The following PAX3 variants were observed in gnomAD, a reference collection of about 807,000 sequenced individuals.
The protein encoded by PAX3 is paired box 3.
In PAX3, 14 loss-of-function variants were observed where a neutral mutation model predicts 51.6. The ratio of observed to expected loss-of-function variants is 0.27; its 90% CI spans 0.18 to 0.42. The LOEUF is 0.42. Ranked by LOEUF, PAX3 falls within the 10% of genes least tolerant of loss-of-function variation. PAX3 has a pLI of 1.00. For synonymous variants in PAX3, 280 were observed against 253.4 expected (o/e 1.11, Z -1.00); for missense variants, 540 against 642.8 (o/e 0.84, Z 1.73).
At position 222,201,551 on chromosome 2, in the gene PAX3, G is replaced by C. The variant is rs567840109; in HGVS notation, c.1421-109C>G. On this transcript the variant is annotated intron_variant, in intron 8 of 8. Coordinates refer to ENST00000392070, the MANE Select transcript of PAX3 (RefSeq NM_181458.4). ...CATATTTAATACCGTGCTATCAAAG[G>C]CTTGAGACTAATATTTTTATTCCTG... is the stretch of plus-strand genomic sequence containing the variant. The C allele has an allele frequency of 4.1e-6, 6 of 1,446,412 alleles. No individual in the cohort carries two copies. In the African/African-American group the frequency reaches 4.2e-5, roughly 10 times the overall value. The allele number at this position is 1,446,412 out of a possible 1,614,324, so 89.6% of individuals were successfully genotyped here.
Position 222,294,246 on chromosome 2 carries a change from C to T in PAX3, c.507G>A (p.Glu169=). The change falls in exon 4 of 9, where the codon GAG becomes GAA. Residue 169 remains glutamate (E), a synonymous_variant. Transcript: ENST00000392070. ...RSKFGKGEEE[E]ADLERKEAEE... is the part of the protein sequence containing the mutation. ...CTGCCTCCTTCCTCTCCAAGTCGGC[C>T]TCCTCCTCTTCACCTTTCCCGAATT... 6.2e-7 allele frequency: 1 copy of T among 1,614,238 alleles called. No individual in the cohort carries two copies. Among genetic ancestry groups the T allele is most frequent in the Non-Finnish European group, 8.5e-7 (1 of 1,180,042 alleles).
intron 4 of PAX3, among the ~76,000 whole-genome samples, chr2:222,288,695 T>A (rs772178356): frequency 5.9e-5 from 9 of 152,198 alleles, no homozygotes; most frequent in Non-Finnish European, 1.3e-4. Flanking sequence ...AAATTCACCA[T>A]CATAGCCTCA....
At chr2:222,242,185 C>T (rs1453402580) in intron 4 of PAX3, among the ~76,000 whole-genome samples, 1 of 152,048 alleles carries the variant, frequency 6.6e-6, no homozygotes, top group Non-Finnish European at 1.5e-5. Flanking sequence ...GAATTGAAAC[C>T]ACGTTTTTTT....
intron 4 of PAX3, among the ~76,000 whole-genome samples, chr2:222,249,682 T>C (rs1574689278): frequency 6.6e-6 from 1 of 152,166 alleles, no homozygotes; most frequent in African/African-American, 2.4e-5. Context: ...TTTGCAGAGA[T>C]TCAGAAGAAG....
intron 1 of PAX3, among the ~76,000 whole-genome samples, chr2:222,297,675 C>T (rs1379501939): frequency 1.3e-5 from 2 of 152,188 alleles, no homozygotes; most frequent in African/African-American, 4.8e-5. Flanking sequence ...GGGTTTCTAG[C>T]CAAAAGTGCA....
intron 4 of PAX3, among the ~76,000 whole-genome samples, chr2:222,240,681 C>G (rs2106109769): frequency 6.6e-6 from 1 of 152,328 alleles, no homozygotes; most frequent in East Asian, 1.9e-4. Context: ...GTTTAAGCAA[C>G]TCCTTTCGAA....
chr2:222,295,167 G>C (rs1053589405), intron 3 of PAX3, among the ~76,000 whole-genome samples: 3 of 152,100 alleles, frequency 2.0e-5, no homozygotes, highest in Admixed American at 2.0e-4. Context: ...GTCCCTCCCG[G>C]CGCGGGCCCC....
chr2:222,274,182 C>G (rs1002097362), intron 4 of PAX3, among the ~76,000 whole-genome samples: 5 of 152,064 alleles, frequency 3.3e-5, no homozygotes, highest in African/African-American at 1.2e-4. Flanking sequence ...CTCAAACATC[C>G]AAAATGAATT....
intron 4 of PAX3, among the ~76,000 whole-genome samples, chr2:222,280,015 A>G (rs973885948): frequency 2.6e-5 from 4 of 152,144 alleles, no homozygotes; most frequent in Non-Finnish European, 2.9e-5. Flanking sequence ...GTTTGAGCCC[A>G]GCCTGGCCAA....
At chr2:222,294,052 G>A (rs187575690) in intron 4 of PAX3, 115 bp downstream of exon 4, 3 of 1,573,666 alleles carry the variant, frequency 1.9e-6, no homozygotes, top group African/African-American at 1.4e-5. Flanking sequence ...GAGACACCGC[G>A]CATGAAGGGA....
chr2:222,257,646 A>G (rs16863580), intron 4 of PAX3, among the ~76,000 whole-genome samples: 17,636 of 152,274 alleles, frequency 0.12, 1,250 homozygotes, highest in East Asian at 0.32. Context: ...TGCATGTACC[A>G]GTCACTGTAT....
chr2:222,275,212 A>G lies in PAX3; in HGVS notation c.586+18955T>C, dbSNP rs373153547. 5.9e-5 allele frequency among the ~76,000 whole-genome samples: 9 copies of G among 152,332 alleles called. No individual in the cohort carries two copies. The South Asian group carries it at 1.2e-3, about 21-fold the overall frequency. On this transcript the variant is annotated intron_variant, in intron 4 of 8. Coordinates refer to ENST00000392070, the MANE Select transcript of PAX3 (RefSeq NM_181458.4). The stretch of plus-strand genomic sequence containing the variant: ...AATAGCAGGGCTTATTATTCTGAAT[A>G]TACAAAGGGTATAGTTCTTCTTCCT...
chr2:222,294,711 C>T (rs1470640693), intron 3 of PAX3, among the ~76,000 whole-genome samples: 2 of 150,848 alleles, frequency 1.3e-5, no homozygotes, highest in African/African-American at 2.4e-5. Flanking sequence ...ATGCATGGAT[C>T]CTGCGGTTCG....
At chr2:222,237,798 G>A (rs1353334117) in intron 4 of PAX3, among the ~76,000 whole-genome samples, 2 of 152,078 alleles carry the variant, frequency 1.3e-5, no homozygotes, top group Non-Finnish European at 2.9e-5. Context: ...CTTTATTAAA[G>A]TTTTAATTTT....
intron 4 of PAX3, chr2:222,287,482 C>T (rs1175996389): frequency 1.3e-5 from 2 of 152,222 alleles, no homozygotes; most frequent in Non-Finnish European, 2.9e-5. Flanking sequence ...TCAGGCCCAA[C>T]TTGGAGCTGG....
At chr2:222,207,065 T>G (rs574768809) in intron 7 of PAX3, among the ~76,000 whole-genome samples, 19 of 152,250 alleles carry the variant, frequency 1.2e-4, no homozygotes, top group African/African-American at 4.6e-4. Flanking sequence ...TTCCATCCTT[T>G]CCTCCAAAAA....
chr2:222,284,629 G>C (rs1694769305), intron 4 of PAX3, among the ~76,000 whole-genome samples: 1 of 152,038 alleles, frequency 6.6e-6, no homozygotes, highest in African/African-American at 2.4e-5. Context: ...GTGTGTGTGT[G>C]TGTGTGTGTG....
At chr2:222,276,852 T>C (rs1694440396) in intron 4 of PAX3, among the ~76,000 whole-genome samples, 1 of 152,234 alleles carries the variant, frequency 6.6e-6, no homozygotes, top group African/African-American at 2.4e-5. Context: ...AGGGGCTCCC[T>C]ACAAAGACAG....
chr2:222,272,486 C>A (rs1270915833), intron 4 of PAX3, among the ~76,000 whole-genome samples: 2 of 152,144 alleles, frequency 1.3e-5, no homozygotes, highest in African/African-American at 4.8e-5. Flanking sequence ...AAGTAATTCT[C>A]TTTTTCACCT....
Sources: allele counts gnomAD v4.1 joint callset (sites outside exome capture counted in the v4.1 genomes callset), GRCh38; gene constraint gnomAD v4.1.1; transcripts MANE v1.5; gene names NCBI Gene and HGNC (gene_info 2026-07-23, HGNC 2026-07-21).